WDR64: variants seen among roughly 807,000 people sequenced by gnomAD.
WDR64 encodes WD repeat-containing protein 64.
In WDR64, 112 loss-of-function variants were observed where a neutral mutation model predicts 139.3. The observed-to-expected ratio is 0.80, with a 90% CI of 0.69 to 0.94. WDR64 has a LOEUF of 0.94. Ranked by LOEUF, WDR64 falls within the 40% of genes least tolerant of loss-of-function variation. WDR64 has a pLI of 0.00. For synonymous variants in WDR64, 444 were observed against 437.7 expected, an observed-to-expected ratio of 1.01 and a Z score of -0.18; for missense variants, 1,206 against 1,293.1, an observed-to-expected ratio of 0.93 and a Z score of 1.03.
intron 13 of WDR64, among the ~76,000 whole-genome samples, chr1:241,748,885 A>G (rs1009667231): frequency 2.7e-5 from 4 of 150,406 alleles, no homozygotes; most frequent in Non-Finnish European, 5.9e-5. Context: ...GCTTGCAGTG[A>G]GCCGAGATCG....
chr1:241,724,938 C>T (rs1427333413), intron 10 of WDR64, among the ~76,000 whole-genome samples: 5 of 152,128 alleles, frequency 3.3e-5, no homozygotes, highest in Non-Finnish European at 7.3e-5. Context: ...CACAAGGTCA[C>T]AGAGCTATCT....
At chr1:241,708,453 A>G (rs928751297) in intron 8 of WDR64, among the ~76,000 whole-genome samples, 1 of 152,146 alleles carries the variant, frequency 6.6e-6, no homozygotes, top group Non-Finnish European at 1.5e-5. Flanking sequence ...AGCTGGGATG[A>G]CACGCATACA....
In WDR64 at chr1:241,667,742, T is replaced by C. The variant is rs149616139; in HGVS notation, c.277-3332T>C. Reference sequence around the variant, plus strand: ...CCAATGAGCTTGGAAGTAGATTCTTTCCTGAAAGTCTCCAGCAAAGAATGC... The same window carrying C: ...CCAATGAGCTTGGAAGTAGATTCTTCCCTGAAAGTCTCCAGCAAAGAATGC... On this transcript the variant is annotated intron_variant, in intron 2 of 27. Coordinates refer to ENST00000437684, the MANE Select transcript of WDR64 (RefSeq NM_001367482.1). Among the ~76,000 whole-genome samples the C allele has an allele frequency of 1.1e-3, 165 of 152,286 alleles. 1 individual carries two copies. The highest frequency in any genetic ancestry group is 5.6e-3 in the East Asian group (29 of 5,176).
chr1:241,762,092 C>G (rs1020766782), intron 15 of WDR64, among the ~76,000 whole-genome samples: 1 of 152,136 alleles, frequency 6.6e-6, no homozygotes, highest in African/African-American at 2.4e-5. Context: ...CTTTGAGCAA[C>G]CAGATTTATC....
At chr1:241,773,051 C>T (rs565745777) in intron 20 of WDR64, 120 bp downstream of exon 20, 12 of 1,225,754 alleles carry the variant, frequency 9.8e-6, no homozygotes, top group Middle Eastern at 2.3e-4. Context: ...AACTTTCTAG[C>T]CAAATTGCTG....
Position 241,801,381 on chromosome 1 carries a change from T to C in WDR64, c.*166T>C, listed in dbSNP as rs1463867001. ...ATTGCTTAGGGAGTTCTGGTGACCT[T>C]AACTCTGAATACCAAGCAAGCAGCA... On this transcript the variant is annotated 3_prime_UTR_variant, in exon 28 of 28. Transcript: ENST00000437684. 50 of 556,130 alleles carry C rather than the reference T, an allele frequency of 9.0e-5. No homozygotes were observed. The East Asian group carries it at 1.4e-3, about 16-fold the overall frequency. The allele number at this position is 556,130 out of a possible 1,614,324, so 34.4% of individuals were successfully genotyped here.
intron 15 of WDR64, among the ~76,000 whole-genome samples, chr1:241,765,889 T>C (rs567215472): frequency 2.0e-5 from 3 of 152,194 alleles, no homozygotes; most frequent in African/African-American, 4.8e-5. Flanking sequence ...AGTTGGTAAG[T>C]GGAAACGACG....
chr1:241,707,582 C>A (rs1257754322), intron 8 of WDR64, among the ~76,000 whole-genome samples: 1 of 152,204 alleles, frequency 6.6e-6, no homozygotes, highest in Non-Finnish European at 1.5e-5. Context: ...GGTTCTTCCT[C>A]CTCATCTAGG....
At chr1:241,760,797 A>C (rs1574076389) in intron 15 of WDR64, among the ~76,000 whole-genome samples, 1 of 110,918 alleles carries the variant, frequency 9.0e-6, no homozygotes, top group Non-Finnish European at 1.7e-5. Flanking sequence ...ACGGAGTCTC[A>C]CTCTTTCGCC....
At position 241,771,971 on chromosome 1, in the gene WDR64, T is replaced by C. The variant is rs1215638950; in HGVS notation, c.2290+274T>C. ...ATATATATATATATATATATATATA[T>C]ATATATATATATATATATTCTTTTT... On this transcript the variant is annotated intron_variant, in intron 19 of 27. Transcript: ENST00000437684. 4.6e-3 allele frequency among the ~76,000 whole-genome samples: 587 copies of C among 127,376 alleles called. 10 individuals are homozygous for C. The highest frequency in any genetic ancestry group is 0.017 in the African/African-American group (551 of 31,962). The allele number at this position is 127,376 out of a possible 152,430, so 83.6% of individuals were successfully genotyped here.
chr1:241,708,707 TTTTTG>T (rs988981014), intron 8 of WDR64, among the ~76,000 whole-genome samples: 2,076 of 99,932 alleles, frequency 0.021, 260 homozygotes, highest in African/African-American at 0.068. Flanking sequence ...TTTTTTTGTT[TTTTTG>T]TTTTTTTTTT....
At chr1:241,696,362 G>T (rs1034922297) in intron 8 of WDR64, among the ~76,000 whole-genome samples, 1 of 151,938 alleles carries the variant, frequency 6.6e-6, no homozygotes. Flanking sequence ...CCCCAAAAAA[G>T]GTTCTTGGAC....
chr1:241,802,109 A>C lies in WDR64; in HGVS notation c.*894A>C. ...AAACAAGAATCTTTATAAAAGTTTT[A>C]TAAAGTTATTAATAATAACTCAAAA... On this transcript the variant is annotated 3_prime_UTR_variant, in exon 28 of 28. Transcript: ENST00000437684. 1 of 398,056 alleles carries C rather than the reference A, an allele frequency of 2.5e-6. No individual in the cohort carries two copies. The highest frequency in any genetic ancestry group is 3.6e-5 in the East Asian group (1 of 27,948). 24.7% of individuals were successfully genotyped at this position (398,056 alleles called of 1,614,324 possible).
Position 241,660,603 on chromosome 1 carries a change from G to A in WDR64, c.219G>A (p.Val73=), listed in dbSNP as rs1020887173. Residue 73 remains valine (V), a synonymous_variant, in exon 2 of 28, where the codon GTG becomes GTA. Coordinates refer to ENST00000437684, the MANE Select transcript of WDR64 (RefSeq NM_001367482.1). ...GTCCAGATGTGAAGAATCAAGATGT[G>A]AAACGCTTTTACAGGAAACTGTGCA... ...LFGPDVKNQD[V]KRFYRKLCNN... 49 of 1,551,612 alleles carry A rather than the reference G, an allele frequency of 3.2e-5. No individual in the cohort carries two copies. Among genetic ancestry groups the A allele is most frequent in the African/African-American group, 2.7e-4 (20 of 73,032 alleles).
chr1:241,686,963 T>G (rs1667026786), intron 7 of WDR64, among the ~76,000 whole-genome samples: 1 of 152,140 alleles, frequency 6.6e-6, no homozygotes, highest in African/African-American at 2.4e-5. Context: ...TTTTGAAGAG[T>G]CTTTTAAAGT....
intron 8 of WDR64, among the ~76,000 whole-genome samples, chr1:241,699,005 A>G (rs1288167650): frequency 6.6e-6 from 1 of 152,134 alleles, no homozygotes; most frequent in Non-Finnish European, 1.5e-5. Flanking sequence ...AAACTGAGGG[A>G]AAAGGCCTTT....
chr1:241,706,906 C>T (rs1320189626), intron 8 of WDR64, among the ~76,000 whole-genome samples: 1 of 152,088 alleles, frequency 6.6e-6, no homozygotes, highest in Admixed American at 6.6e-5. Flanking sequence ...AACTGGTAGC[C>T]TGTTAGCCAA....
At chr1:241,755,661 T>A (rs1338995674) in intron 14 of WDR64, among the ~76,000 whole-genome samples, 1 of 152,230 alleles carries the variant, frequency 6.6e-6, no homozygotes, top group East Asian at 1.9e-4. Context: ...TGGTATTGCC[T>A]AGGTTTTCTT....
At position 241,687,460 on chromosome 1, in the gene WDR64, G is replaced by T; in HGVS notation, c.840-1G>T. 1 of 1,613,634 alleles carries T rather than the reference G, an allele frequency of 6.2e-7. No individual in the cohort carries two copies. The highest frequency in any genetic ancestry group is 8.5e-7 in the Non-Finnish European group (1 of 1,179,856). On this transcript the variant is annotated splice_acceptor_variant, in intron 7 of 27. Transcript: ENST00000437684. LOFTEE classifies it high-confidence loss of function. ...CTCCCCTGCCTTTTCTTAATCCCCAGTGTTAAAAGGAAGCTACATAATGAC... is the reference window on the plus strand; with the variant it reads ...CTCCCCTGCCTTTTCTTAATCCCCATTGTTAAAAGGAAGCTACATAATGAC...
Sources: gnomAD v4.1 joint callset for allele counts (sites outside exome capture counted in the v4.1 genomes callset) on GRCh38, gnomAD v4.1.1 for gene constraint, MANE v1.5 for transcripts, NCBI Gene and HGNC (gene_info 2026-07-23, HGNC 2026-07-21) for gene names.